FGL1: variants seen among roughly 807,000 people sequenced by gnomAD.
FGL1 encodes fibrinogen like 1, also known as fibrinogen-like protein 1.
In FGL1, 59 loss-of-function variants were observed where a neutral mutation model predicts 43.7. The ratio of observed to expected loss-of-function variants is 1.35; its 90% confidence interval spans 1.10 to 1.68. The LOEUF is 1.68. Ranked by LOEUF, FGL1 falls within the 40% of genes most tolerant of loss-of-function variation. The pLI, the probability that FGL1 is intolerant of heterozygous loss-of-function variation, is 0.00. For missense variants in FGL1, 596 were observed against 373.0 expected (o/e 1.60, Z -4.92); for synonymous variants, 192 against 126.5 (o/e 1.52, Z -3.48).
intron 3 of FGL1, among the ~76,000 whole-genome samples, chr8:17,878,299 C>T (rs1188804869): frequency 1.3e-5 from 2 of 152,312 alleles, no homozygotes; most frequent in East Asian, 1.9e-4. Context: ...ACAACAAATA[C>T]ACAGCATTCT....
chr8:17,864,814 C>T, intron 7 of FGL1, 63 bp from the exon 8 acceptor site: 2 of 1,286,730 alleles, frequency 1.6e-6, no homozygotes, highest in Non-Finnish European at 2.0e-6. Context: ...GTTCAGAATC[C>T]CTTTTATTTT....
intron 3 of FGL1, among the ~76,000 whole-genome samples, chr8:17,879,769 T>C (rs1310367662): frequency 2.0e-5 from 3 of 152,130 alleles, no homozygotes; most frequent in Admixed American, 6.6e-5. Context: ...CATTTCGTTA[T>C]AGCGGTATGA....
intron 2 of FGL1, among the ~76,000 whole-genome samples, chr8:17,884,409 G>A (rs539705295): frequency 6.6e-6 from 1 of 152,218 alleles, no homozygotes; most frequent in African/African-American, 2.4e-5. Flanking sequence ...TGCCCAGTCT[G>A]GTCTCAAACT....
chr8:17,874,824 G>A (rs1056677583), intron 3 of FGL1, among the ~76,000 whole-genome samples: 1 of 151,760 alleles, frequency 6.6e-6, no homozygotes, highest in Admixed American at 6.6e-5. Flanking sequence ...AAGAAATGGG[G>A]GCGTGTCACT....
chr8:17,888,354 A>G (rs561614629), intron 1 of FGL1, among the ~76,000 whole-genome samples: 1 of 152,280 alleles, frequency 6.6e-6, no homozygotes, highest in South Asian at 2.1e-4. Flanking sequence ...TATTTAAGGA[A>G]CACTTTTCTA....
chr8:17,875,589 CT>C (rs1287788050), intron 3 of FGL1, among the ~76,000 whole-genome samples: 1 of 132,400 alleles, frequency 7.6e-6, no homozygotes, highest in African/African-American at 3.1e-5. Context: ...TTCTTTCTTT[CT>C]TTCTTTCTTT....
Position 17,868,600 on chromosome 8 carries a change from T to C in FGL1, c.727A>G (p.Asn243Asp). 6.2e-7 allele frequency: 1 copy of C among 1,614,030 alleles called. No individual in the cohort carries two copies. Among genetic ancestry groups the C allele is most frequent in the Non-Finnish European group, 8.5e-7 (1 of 1,179,976 alleles). The change falls in exon 7 of 8, where the codon AAC becomes GAC. Residue 243 changes from asparagine (N) to aspartate (D), a missense_variant. Coordinates refer to ENST00000427924, the MANE Select transcript of FGL1 (RefSeq NM_004467.4). ...KFSTWDRDHD[N>D]YEGNCAEEDQ... ...TCTTCTGCGCAGTTCCCTTCATAGT[T>C]GTCATGATCTCTGTCCCACGTGCTG... is the stretch of plus-strand genomic sequence containing the variant.
In FGL1 at chr8:17,882,116, G is replaced by A. The variant is rs141594066; in HGVS notation, c.127C>T (p.Arg43Trp). Residue 43 changes from arginine to tryptophan, a missense_variant, in exon 3 of 8, where the codon CGG becomes TGG. Transcript: ENST00000427924. ...LRAQVRLLET[R>W]VKQQQVKIKQ... ...ATCTTGACCTGTTGCTGTTTGACCC[G>A]GGTCTCAAGCAGGCGCACCTGGGCT... 1.5e-4 allele frequency: 243 copies of A among 1,613,966 alleles called. 1 individual carries two copies. In the African/African-American group the frequency reaches 2.3e-3, roughly 15 times the overall value.
At chr8:17,893,819 A>G (rs915536026) in intron 1 of FGL1, among the ~76,000 whole-genome samples, 2 of 147,464 alleles carry the variant, frequency 1.4e-5, no homozygotes, top group South Asian at 2.1e-4. Flanking sequence ...CATTCATTAT[A>G]GTAAACCATT....
intron 1 of FGL1, chr8:17,891,588 G>A (rs420063): frequency 0.056 from 35,470 of 635,534 alleles, 3,592 homozygotes; most frequent in African/African-American, 0.36. Context: ...GGTAATAAAA[G>A]TTAGGAATGT....
At chr8:17,892,677 T>C (rs570726889) in intron 1 of FGL1, among the ~76,000 whole-genome samples, 1 of 152,282 alleles carries the variant, frequency 6.6e-6, no homozygotes, top group South Asian at 2.1e-4. Flanking sequence ...TAAGGATTAG[T>C]AGTAAAAATA....
At chr8:17,877,142 C>T (rs932709898) in intron 3 of FGL1, among the ~76,000 whole-genome samples, 6 of 151,296 alleles carry the variant, frequency 4.0e-5, no homozygotes, top group East Asian at 1.9e-4. Context: ...ATATTTAAAA[C>T]GATGATTTTC....
intron 7 of FGL1, among the ~76,000 whole-genome samples, chr8:17,865,375 A>G (rs1430264068): frequency 6.6e-6 from 1 of 152,200 alleles, no homozygotes; most frequent in African/African-American, 2.4e-5. Flanking sequence ...TTGCACTCAC[A>G]CGTTCATTCC....
intron 7 of FGL1, among the ~76,000 whole-genome samples, chr8:17,865,756 CAGAATT>C (rs1196985168): frequency 6.6e-6 from 1 of 151,988 alleles, no homozygotes; most frequent in Non-Finnish European, 1.5e-5. Flanking sequence ...GAAAAGATGT[CAGAATT>C]AGGATAGAAG....
chr8:17,892,819 T>C (rs10095047), intron 1 of FGL1, among the ~76,000 whole-genome samples: 81,493 of 152,122 alleles, frequency 0.54, 24,913 homozygotes, highest in Non-Finnish European at 0.71. Flanking sequence ...ATGTTATTTG[T>C]TGAAAAATTT....
At chr8:17,892,156 A>C (rs2129442350) in intron 1 of FGL1, among the ~76,000 whole-genome samples, 1 of 152,242 alleles carries the variant, frequency 6.6e-6, no homozygotes, top group Non-Finnish European at 1.5e-5. Context: ...TCTAATTTTA[A>C]AATTTATCAC....
intron 1 of FGL1, among the ~76,000 whole-genome samples, chr8:17,886,619 G>A (rs548102588): frequency 6.4e-4 from 98 of 152,146 alleles, no homozygotes; most frequent in Non-Finnish European, 4.1e-4. Flanking sequence ...TTAGCCAGGC[G>A]TGGTGGTGGG....
chr8:17,881,407 T>A (rs2053533633), intron 3 of FGL1, among the ~76,000 whole-genome samples: 1 of 151,234 alleles, frequency 6.6e-6, no homozygotes, highest in Non-Finnish European at 1.5e-5. Context: ...CGTGCTGGGA[T>A]TACAGGCGTG....
intron 6 of FGL1, 71 bp from the exon 7 acceptor site, chr8:17,868,806 TAAAC>T: frequency 6.7e-7 from 1 of 1,503,488 alleles, no homozygotes. Flanking sequence ...GTTTATTTCA[TAAAC>T]AAAAGAACAG....
Sources: allele counts gnomAD v4.1 joint callset (sites outside exome capture counted in the v4.1 genomes callset), GRCh38; gene constraint gnomAD v4.1.1; transcripts MANE v1.5; gene names NCBI Gene and HGNC (gene_info 2026-07-23, HGNC 2026-07-21).